Variants in ASCC3 observed in about 807,000 individuals in gnomAD.
The protein encoded by ASCC3 is ASC-1 complex subunit P200.
Under a neutral mutation model 256.3 loss-of-function variants are expected in ASCC3, and 158 were observed. That is an observed-to-expected ratio of 0.62 (90% CI 0.54 to 0.70). The LOEUF (loss-of-function observed/expected upper bound fraction) is 0.70, where lower values mean the gene tolerates loss of function less well. Ranked by LOEUF, ASCC3 falls within the 30% of genes least tolerant of loss-of-function variation. The pLI is 0.00. For synonymous variants in ASCC3, 948 were observed against 883.4 expected (o/e 1.07, Z -1.30); for missense variants, 2,259 against 2,626.0 (o/e 0.86, Z 3.05).
At chr6:100,524,840 C>G (rs188516547) in intron 37 of ASCC3, among the ~76,000 whole-genome samples, 38 of 152,028 alleles carry the variant, frequency 2.5e-4, no homozygotes, top group African/African-American at 8.2e-4. Context: ...TTTCCCATAT[C>G]TCTTGTCATC....
At chr6:100,805,666 C>T (rs1770143755) in intron 5 of ASCC3, 94 bp downstream of exon 5, 9 of 1,438,266 alleles carry the variant, frequency 6.3e-6, no homozygotes, top group African/African-American at 4.3e-5. Flanking sequence ...ATATAACAGA[C>T]CAAAACATAT....
intron 30 of ASCC3, among the ~76,000 whole-genome samples, chr6:100,617,231 C>T (rs1773712934): frequency 6.6e-6 from 1 of 152,088 alleles, no homozygotes; most frequent in Admixed American, 6.5e-5. Flanking sequence ...TGACCTTGAA[C>T]TCCTGACCTC....
chr6:100,686,667 G>A (rs945372287), intron 13 of ASCC3, among the ~76,000 whole-genome samples: 12 of 152,064 alleles, frequency 7.9e-5, no homozygotes, highest in African/African-American at 2.7e-4. Flanking sequence ...GTTATTAAAA[G>A]CAATGTAATA....
intron 4 of ASCC3, among the ~76,000 whole-genome samples, chr6:100,814,419 T>C (rs1185580445): frequency 6.6e-6 from 1 of 152,106 alleles, no homozygotes. Context: ...TTGTTGTGTC[T>C]CAGCCAGGTT....
intron 26 of ASCC3, among the ~76,000 whole-genome samples, chr6:100,629,568 G>T (rs1774426269): frequency 6.6e-6 from 1 of 151,728 alleles, no homozygotes; most frequent in Non-Finnish European, 1.5e-5. Flanking sequence ...ACTTTATGGA[G>T]ACAAAAAAAG....
In ASCC3 at chr6:100,677,797, A is replaced by T. The variant is rs149990687; in HGVS notation, c.2286+1821T>A. 6.0e-3 allele frequency among the ~76,000 whole-genome samples: 916 copies of T among 152,126 alleles called. 13 individuals carry two copies. The highest frequency in any genetic ancestry group is 0.021 in the African/African-American group (865 of 41,534). ...CTAATAATAGTTGGATCAGGAAAAA[A>T]ATCAAGTATAATAAAAATATAAAAA... On this transcript the variant is annotated intron_variant, in intron 14 of 41. Coordinates refer to ENST00000369162, the MANE Select transcript of ASCC3 (RefSeq NM_006828.4).
chr6:100,859,903 G>T (rs906146398), intron 3 of ASCC3, among the ~76,000 whole-genome samples: 7 of 151,960 alleles, frequency 4.6e-5, no homozygotes, highest in African/African-American at 1.7e-4. Flanking sequence ...AAAATCATTA[G>T]ATCAATGCAC....
At chr6:100,555,059 G>A (rs1345729381) in intron 36 of ASCC3, among the ~76,000 whole-genome samples, 2 of 151,564 alleles carry the variant, frequency 1.3e-5, no homozygotes, top group African/African-American at 2.4e-5. Flanking sequence ...GATTTACATG[G>A]TATTTATATT....
At chr6:100,575,438 G>A (rs1404659591) in intron 36 of ASCC3, among the ~76,000 whole-genome samples, 1 of 152,034 alleles carries the variant, frequency 6.6e-6, no homozygotes, top group Non-Finnish European at 1.5e-5. Flanking sequence ...TACTGAAAAT[G>A]TTCTATATAC....
intron 37 of ASCC3, among the ~76,000 whole-genome samples, chr6:100,537,175 T>C (rs1301325894): frequency 3.3e-5 from 5 of 152,160 alleles, no homozygotes; most frequent in African/African-American, 1.2e-4. Flanking sequence ...AGACATCACC[T>C]CAATTGTATA....
chr6:100,605,707 A>G lies in ASCC3; in HGVS notation c.5045-7T>C. Reference sequence around the variant, plus strand: ...CCCATCATCTGGAGGACATCTTTAAAAGAGAGAACAAAGAGATATTCTACA... The same window carrying G: ...CCCATCATCTGGAGGACATCTTTAAGAGAGAGAACAAAGAGATATTCTACA... On this transcript the variant is annotated splice_polypyrimidine_tract_variant and splice_region_variant and intron_variant, in intron 32 of 41. Transcript: ENST00000369162. 6.2e-7 allele frequency: 1 copy of G among 1,613,214 alleles called. No individual in the cohort carries two copies. The highest frequency in any genetic ancestry group is 1.1e-5 in the South Asian group (1 of 91,040).
chr6:100,730,716 T>C (rs887317050), intron 10 of ASCC3, among the ~76,000 whole-genome samples: 16 of 152,204 alleles, frequency 1.1e-4, no homozygotes, highest in Non-Finnish European at 2.1e-4. Context: ...CAAATGTCAG[T>C]TCTGATTGAT....
chr6:100,669,558 T>C (rs1376019441), intron 14 of ASCC3, among the ~76,000 whole-genome samples: 1 of 151,720 alleles, frequency 6.6e-6, no homozygotes, highest in Non-Finnish European at 1.5e-5. Context: ...TTAACTAAAA[T>C]ATGAACATGA....
intron 8 of ASCC3, among the ~76,000 whole-genome samples, chr6:100,786,476 C>T (rs758404491): frequency 1.3e-5 from 2 of 151,900 alleles, no homozygotes; most frequent in Non-Finnish European, 2.9e-5. Flanking sequence ...AAATAATTAC[C>T]CTTGATTCAA....
At chr6:100,647,504 T>C in intron 20 of ASCC3, 53 bp from the exon 21 acceptor site, 1 of 1,477,490 alleles carries the variant, frequency 6.8e-7, no homozygotes, top group Non-Finnish European at 9.4e-7. Flanking sequence ...CTTTTAAATT[T>C]GTCAATAAAT....
At chr6:100,530,752 A>G in intron 37 of ASCC3, 1 of 965,344 alleles carries the variant, frequency 1.0e-6, no homozygotes, top group Non-Finnish European at 1.7e-6. Flanking sequence ...GATTTTTACC[A>G]GTTTACTTTT....
At chr6:100,637,138 G>A (rs555987032) in intron 25 of ASCC3, among the ~76,000 whole-genome samples, 1 of 152,266 alleles carries the variant, frequency 6.6e-6, no homozygotes, top group East Asian at 1.9e-4. Context: ...AGCTTCAAAG[G>A]AGGAGCTAAC....
Position 100,554,610 on chromosome 6 carries a change from C to T in ASCC3, c.5551-14223G>A, listed in dbSNP as rs549906346. On this transcript the variant is annotated intron_variant, in intron 36 of 41. Transcript: ENST00000369162. ...TTGATTAATTTGTAACATTCTGAGG[C>T]GTTAAAACAAACCAAAATTAGTTTC... Among the ~76,000 whole-genome samples the T allele has an allele frequency of 3.3e-5, 5 of 152,166 alleles. No individual in the cohort carries two copies. In the South Asian group the frequency reaches 6.2e-4, roughly 19 times the overall value.
chr6:100,754,253 A>C (rs1209694247), intron 10 of ASCC3, among the ~76,000 whole-genome samples: 1 of 152,220 alleles, frequency 6.6e-6, no homozygotes, highest in Non-Finnish European at 1.5e-5. Context: ...AATGTACTTT[A>C]ACATAATCTG....
Sources: gnomAD v4.1 joint callset for allele counts (sites outside exome capture counted in the v4.1 genomes callset) on GRCh38, gnomAD v4.1.1 for gene constraint, MANE v1.5 for transcripts, NCBI Gene and HGNC (gene_info 2026-07-23, HGNC 2026-07-21) for gene names.